The following RIMS1 variants were observed in gnomAD, a reference collection of about 807,000 sequenced individuals.
RIMS1 encodes regulating synaptic membrane exocytosis protein 1.
Under a neutral mutation model 214.1 loss-of-function variants are expected in RIMS1, and 83 were observed. The observed-to-expected ratio is 0.39, with a 90% CI of 0.32 to 0.47. RIMS1 has a LOEUF of 0.47. RIMS1 is among the 20% of genes least tolerant of loss of function. The pLI is 0.99. For missense variants in RIMS1, 2,050 were observed against 2,161.8 expected (o/e 0.95, Z 1.03); for synonymous variants, 793 against 786.8 (o/e 1.01, Z -0.13).
At chr6:72,133,333 C>T (rs942677687) in intron 4 of RIMS1, among the ~76,000 whole-genome samples, 1 of 151,440 alleles carries the variant, frequency 6.6e-6, no homozygotes, top group African/African-American at 2.4e-5. Context: ...TGTTGCTAGC[C>T]TTCAAGTTTG....
intron 1 of RIMS1, among the ~76,000 whole-genome samples, chr6:71,963,004 G>A (rs1221013660): frequency 6.6e-5 from 10 of 152,002 alleles, no homozygotes; most frequent in Non-Finnish European, 1.2e-4. Flanking sequence ...GTAATATTTC[G>A]TGAATATGGT....
chr6:72,091,297 G>GGAA (rs1327676932), intron 2 of RIMS1, among the ~76,000 whole-genome samples: 3 of 152,050 alleles, frequency 2.0e-5, no homozygotes, highest in Non-Finnish European at 4.4e-5. Flanking sequence ...ACTTCATAAA[G>GGAA]GAAATCCAGG....
chr6:72,171,695 G>A (rs1246299089), intron 4 of RIMS1, among the ~76,000 whole-genome samples: 4 of 152,136 alleles, frequency 2.6e-5, no homozygotes, highest in Admixed American at 6.5e-5. Flanking sequence ...ACAGATGGAC[G>A]TGAGATGAGA....
At chr6:72,398,892 CTAAT>C (rs2098809304) in intron 32 of RIMS1, 59 bp from the exon 33 acceptor site, 1 of 1,043,410 alleles carries the variant, frequency 9.6e-7, no homozygotes, top group South Asian at 1.6e-5. Context: ...AGGGAATTCT[CTAAT>C]TAAAAAAATA....
At chr6:72,008,193 T>C (rs575507001) in intron 2 of RIMS1, among the ~76,000 whole-genome samples, 1 of 152,310 alleles carries the variant, frequency 6.6e-6, no homozygotes. Flanking sequence ...AAAAGAATTT[T>C]CAAGCCAGAA....
intron 1 of RIMS1, among the ~76,000 whole-genome samples, chr6:71,908,605 G>A (rs1157150480): frequency 6.6e-6 from 1 of 152,174 alleles, no homozygotes; most frequent in Non-Finnish European, 1.5e-5. Context: ...TAGGCTCTGA[G>A]GTGTTACAGA....
At chr6:72,256,590 T>C (rs1030589127) in intron 16 of RIMS1, among the ~76,000 whole-genome samples, 4 of 152,066 alleles carry the variant, frequency 2.6e-5, no homozygotes, top group Admixed American at 6.6e-5. Context: ...TAAGTCAATA[T>C]TGGCCTTCCA....
chr6:72,061,771 T>G (rs1298272786), intron 2 of RIMS1, among the ~76,000 whole-genome samples: 1 of 152,216 alleles, frequency 6.6e-6, no homozygotes, highest in East Asian at 1.9e-4. Flanking sequence ...GAGTGAAAGT[T>G]TTTTTTTAAT....
At chr6:72,014,871 C>T (rs1812165366) in intron 2 of RIMS1, among the ~76,000 whole-genome samples, 1 of 152,190 alleles carries the variant, frequency 6.6e-6, no homozygotes, top group South Asian at 2.1e-4. Context: ...ATGATATATC[C>T]TCTTTGGAGA....
At chr6:72,348,913 A>T (rs1477795520) in intron 29 of RIMS1, among the ~76,000 whole-genome samples, 2 of 152,034 alleles carry the variant, frequency 1.3e-5, no homozygotes, top group East Asian at 3.8e-4. Flanking sequence ...TATATCATTT[A>T]TAAAAGGTTT....
intron 10 of RIMS1, 28 bp downstream of exon 10, chr6:72,242,465 G>C (rs1395858653): frequency 6.7e-7 from 1 of 1,488,614 alleles, no homozygotes; most frequent in Non-Finnish European, 9.1e-7. Context: ...TACTTCTTAA[G>C]TTTAGTAAAT....
intron 4 of RIMS1, among the ~76,000 whole-genome samples, chr6:72,147,281 A>T (rs760439957): frequency 6.6e-6 from 1 of 152,226 alleles, no homozygotes; most frequent in Non-Finnish European, 1.5e-5. Flanking sequence ...TCACATACAT[A>T]ACACATATAT....
rs774214171 is a variant in RIMS1, at chr6:71,964,316, A to T, written c.165-4667A>T. On this transcript the variant is annotated intron_variant, in intron 1 of 33. Transcript: ENST00000521978. ...CTAAGGACTCTGGCACTTCCTTGTG[A>T]GTAAAGTAGGGAACTATTGGGTAGA... 3.7e-4 allele frequency among the ~76,000 whole-genome samples: 56 copies of T among 152,136 alleles called. 2 individuals carry two copies. The highest frequency in any genetic ancestry group is 1.3e-4 in the Admixed American group (2 of 15,262).
At chr6:72,205,205 G>GA (rs139064982) in intron 6 of RIMS1, among the ~76,000 whole-genome samples, 27 of 151,802 alleles carry the variant, frequency 1.8e-4, no homozygotes, top group Admixed American at 4.6e-4. Context: ...TAATGACAGA[G>GA]AAAAAAAATT....
intron 28 of RIMS1, among the ~76,000 whole-genome samples, chr6:72,331,481 A>T (rs2096656345): frequency 6.6e-6 from 1 of 151,822 alleles, no homozygotes; most frequent in East Asian, 1.9e-4. Flanking sequence ...GTAACTATGA[A>T]ATTGACCAAA....
At chr6:71,909,082 C>T (rs903051178) in intron 1 of RIMS1, among the ~76,000 whole-genome samples, 3 of 152,200 alleles carry the variant, frequency 2.0e-5, no homozygotes, top group East Asian at 1.9e-4. Context: ...CTCTGCCTTC[C>T]GGGTTGAAGG....
At chr6:72,360,372 A>G (rs559702260) in intron 29 of RIMS1, among the ~76,000 whole-genome samples, 2 of 152,304 alleles carry the variant, frequency 1.3e-5, no homozygotes, top group East Asian at 1.9e-4. Context: ...TTTCTGTACA[A>G]TAGTCTTTCT....
intron 9 of RIMS1, among the ~76,000 whole-genome samples, chr6:72,240,126 A>C (rs1306192212): frequency 6.6e-6 from 1 of 152,170 alleles, no homozygotes; most frequent in Non-Finnish European, 1.5e-5. Flanking sequence ...GACAGATAAA[A>C]TGTCATTTTC....
chr6:72,008,407 T>A (rs575204921), intron 2 of RIMS1, among the ~76,000 whole-genome samples: 1 of 152,166 alleles, frequency 6.6e-6, no homozygotes, highest in Non-Finnish European at 1.5e-5. Flanking sequence ...AGGAAGAAAC[T>A]GCATCAACTA....
Sources: gnomAD v4.1 joint callset for allele counts (sites outside exome capture counted in the v4.1 genomes callset) on GRCh38, gnomAD v4.1.1 for gene constraint, MANE v1.5 for transcripts, NCBI Gene and HGNC (gene_info 2026-07-23, HGNC 2026-07-21) for gene names.